The following RNF168 variants were observed in gnomAD, a reference collection of about 807,000 sequenced individuals.
The protein encoded by RNF168 is E3 ubiquitin-protein ligase RNF168.
RNF168 carries 34 observed loss-of-function variants against 34.9 expected under a neutral mutation model. The observed-to-expected ratio is 0.97, with a 90% CI of 0.74 to 1.30. The LOEUF (loss-of-function observed/expected upper bound fraction) is 1.30. Among genes scored for constraint, RNF168 ranks in the 50% most tolerant of loss-of-function variants. The pLI is 0.00. For missense variants in RNF168, 725 were observed against 682.5 expected (o/e 1.06, Z -0.69); for synonymous variants, 264 against 254.7 (o/e 1.04, Z -0.35).
intron 4 of RNF168, among the ~76,000 whole-genome samples, chr3:196,481,684 T>G (rs1170086141): frequency 9.8e-5 from 2 of 20,384 alleles, no homozygotes; most frequent in Non-Finnish European, 2.4e-4. Flanking sequence ...TCAGCTGCGT[T>G]TTTTTTTTTT....
chr3:196,477,546 A>G (rs570358713), intron 4 of RNF168, among the ~76,000 whole-genome samples: 27 of 152,346 alleles, frequency 1.8e-4, no homozygotes, highest in African/African-American at 6.5e-4. Context: ...TTTCAGTTGA[A>G]AAGAAGCTTA....
chr3:196,497,375 A>T (rs1732768237), intron 1 of RNF168, among the ~76,000 whole-genome samples: 1 of 152,176 alleles, frequency 6.6e-6, no homozygotes. Context: ...AGACCTAAAC[A>T]TAAAAGTTAA....
chr3:196,485,017 G>A (rs981198421), intron 3 of RNF168, among the ~76,000 whole-genome samples: 4 of 152,060 alleles, frequency 2.6e-5, no homozygotes, highest in African/African-American at 9.7e-5. Flanking sequence ...CATATTCAGA[G>A]AGCTGTGGAT....
rs114942759 is a variant in RNF168, at chr3:196,471,855, T to C, written c.1680A>G (p.Lys560=). The C allele has an allele frequency of 1.4e-3, 2,335 of 1,613,996 alleles. 6 individuals are homozygous for C. The highest frequency in any genetic ancestry group is 1.8e-3 in the Non-Finnish European group (2,162 of 1,179,868). The part of the protein sequence containing the change: ...AHSLQPSISQ[K]SVFQMFQRCT... ...ATCTCTGAAACATCTGAAAAACACT[T>C]TTCTGTGAAATGCTAGGCTGTAGGG... The change falls in exon 6 of 6, where the codon AAA becomes AAG. Residue 560 remains lysine, a synonymous_variant. Transcript: ENST00000318037.
intron 5 of RNF168, among the ~76,000 whole-genome samples, 175 bp from the exon 6 acceptor site, chr3:196,472,947 G>A (rs950943114): frequency 1.3e-5 from 2 of 151,820 alleles, no homozygotes; most frequent in Non-Finnish European, 2.9e-5. Flanking sequence ...TGTCGCCCAG[G>A]CTGGAGTGCA....
intron 5 of RNF168, 137 bp from the exon 6 acceptor site, chr3:196,472,909 CTTTT>C (rs1239906638): frequency 1.2e-5 from 7 of 590,562 alleles, no homozygotes; most frequent in East Asian, 5.7e-5. Flanking sequence ...TTCTTTCTTT[CTTTT>C]CTTTTTTTTT....
rs1731934822 is a variant in RNF168, at chr3:196,468,851, T to G, written c.*2968A>C. 1 of 152,196 alleles carries G rather than the reference T, an allele frequency of 6.6e-6. No homozygotes were observed. The highest frequency in any genetic ancestry group is 2.1e-4 in the South Asian group (1 of 4,834). The allele number at this position is 152,196 out of a possible 1,614,324, so 9.4% of individuals were successfully genotyped here. A position where few individuals can be genotyped will look rare whatever the true frequency, so the allele number is the denominator to read the frequency against. ...ACAGCCTTAGTACTCCCTGAGAAATTCAGTGTTTGCATATCCTTTCCACAA... is the reference window on the plus strand; with the variant it reads ...ACAGCCTTAGTACTCCCTGAGAAATGCAGTGTTTGCATATCCTTTCCACAA... On this transcript the variant is annotated 3_prime_UTR_variant, in exon 6 of 6. Coordinates refer to ENST00000318037, the MANE Select transcript of RNF168 (RefSeq NM_152617.4).
At chr3:196,485,459 A>C (rs550773379) in intron 3 of RNF168, among the ~76,000 whole-genome samples, 2 of 151,726 alleles carry the variant, frequency 1.3e-5, no homozygotes, top group Admixed American at 1.3e-4. Context: ...ACTGCACTCC[A>C]GCCTGGGTGA....
intron 1 of RNF168, among the ~76,000 whole-genome samples, chr3:196,490,903 A>T (rs73072945): frequency 0.1 from 15,495 of 152,324 alleles, 2,539 homozygotes; most frequent in African/African-American, 0.34. Flanking sequence ...TAGAAGGATA[A>T]TCAGCTGGCT....
intron 1 of RNF168, among the ~76,000 whole-genome samples, chr3:196,496,133 A>G (rs1732738068): frequency 6.6e-6 from 1 of 152,216 alleles, no homozygotes; most frequent in Admixed American, 6.5e-5. Flanking sequence ...AATTTACTTA[A>G]AACAGTCTCA....
chr3:196,481,072 C>T (rs1224560284), intron 4 of RNF168, among the ~76,000 whole-genome samples: 1 of 152,204 alleles, frequency 6.6e-6, no homozygotes, highest in African/African-American at 2.4e-5. Context: ...TTGCTAAACT[C>T]TTCATTCTAA....
rs199914819 is a variant in RNF168 at position 196,487,592 on chromosome 3, A to C, written c.379-14T>G. The C allele has an allele frequency of 1.0e-4, 166 of 1,612,596 alleles. No homozygotes were observed. The African/African-American group carries it at 2.0e-3, about 20-fold the overall frequency. On this transcript the variant is annotated splice_polypyrimidine_tract_variant and intron_variant, in intron 2 of 5. Coordinates refer to ENST00000318037, the MANE Select transcript of RNF168 (RefSeq NM_152617.4). The stretch of plus-strand genomic sequence containing the variant: ...CTCTGCCGCCACCTTAAAAGTGATT[A>C]ATAAAGAGCAATCCTTCTCTGAACG...
intron 4 of RNF168, among the ~76,000 whole-genome samples, chr3:196,480,730 C>T (rs1338735608): frequency 1.3e-5 from 2 of 152,174 alleles, no homozygotes; most frequent in African/African-American, 2.4e-5. Flanking sequence ...GCAGCCGTAA[C>T]CTCCCAGGCT....
In RNF168 at chr3:196,472,531, G is replaced by C. The variant is rs971852680; in HGVS notation, c.1004C>G (p.Thr335Ser). ...AGTTTCTTTCGAGTAGGGAACTCTG[G>C]TTTTAGGTCGCTCGTGACTTAAGAC... ...LCVLSHERPK[T>S]RVPYSKETAV... The change falls in exon 6 of 6, where the codon ACC (threonine) becomes AGC (serine). Residue 335 changes from threonine (T) to serine (S), a missense_variant. By Grantham distance (58) the Thr-to-Ser change is moderately conservative (BLOSUM62 1). Transcript: ENST00000318037. The C allele has an allele frequency of 2.5e-6, 4 of 1,614,204 alleles. No individual in the cohort carries two copies. The highest frequency in any genetic ancestry group is 3.4e-6 in the Non-Finnish European group (4 of 1,180,040).
intron 1 of RNF168, among the ~76,000 whole-genome samples, chr3:196,500,284 T>C (rs1463746343): frequency 1.3e-5 from 2 of 152,222 alleles, no homozygotes; most frequent in African/African-American, 4.8e-5. Context: ...ACAGATTTCT[T>C]TTAATGTAGC....
Position 196,471,940 on chromosome 3 carries a change from T to TTAAC in RNF168, c.1591_1594dup (p.Asn532SerfsTer2), listed in dbSNP as rs751867784. 17 of 1,614,010 alleles carry TTAAC rather than the reference T, an allele frequency of 1.1e-5. No homozygotes were observed. The South Asian group carries it at 1.5e-4, about 15-fold the overall frequency. ...AGTAGAATTTGGCATCTTTCTTCTATTAACTGACTGCTTCAACTGCATCTT... is the reference window on the plus strand; with the variant it reads ...AGTAGAATTTGGCATCTTTCTTCTATTAACTAACTGACTGCTTCAACTGCATCTT... On this transcript the variant is annotated stop_gained and frameshift_variant, in exon 6 of 6. Transcript: ENST00000318037. LOFTEE classifies it high-confidence loss of function.
intron 1 of RNF168, among the ~76,000 whole-genome samples, chr3:196,493,498 G>A (rs1732645378): frequency 6.6e-6 from 1 of 152,036 alleles, no homozygotes; most frequent in Non-Finnish European, 1.5e-5. Context: ...GGGATAACAG[G>A]TGTGAGCCAC....
At chr3:196,488,742 G>C (rs1267613910) in intron 1 of RNF168, 59 bp from the exon 2 acceptor site, 22 of 1,114,296 alleles carry the variant, frequency 2.0e-5, no homozygotes, top group Non-Finnish European at 2.9e-5. Flanking sequence ...TGGTAACTTT[G>C]GTCTTCCATT....
At chr3:196,493,308 T>C (rs1732640569) in intron 1 of RNF168, among the ~76,000 whole-genome samples, 1 of 152,236 alleles carries the variant, frequency 6.6e-6, no homozygotes, top group Non-Finnish European at 1.5e-5. Context: ...TAAATTAAGA[T>C]CAGTGAGTTA....
Sources: allele counts gnomAD v4.1 joint callset (sites outside exome capture counted in the v4.1 genomes callset), GRCh38; gene constraint gnomAD v4.1.1; transcripts MANE v1.5; gene names NCBI Gene and HGNC (gene_info 2026-07-23, HGNC 2026-07-21).